CLVS1: variants seen among roughly 807,000 people sequenced by gnomAD.
CLVS1 encodes clavesin 1, also known as clavesin-1.
CLVS1 carries 10 observed loss-of-function variants against 33.1 expected under a neutral mutation model. The observed-to-expected ratio is 0.30, with a 90% CI of 0.19 to 0.51. CLVS1 has a LOEUF of 0.51. CLVS1 is among the 20% of genes least tolerant of loss of function. The pLI, the probability that CLVS1 is intolerant of heterozygous loss-of-function variation, is 0.97. For synonymous variants in CLVS1, 163 were observed against 166.1 expected, an observed-to-expected ratio of 0.98 and a Z score of 0.14; for missense variants, 343 against 433.4, an observed-to-expected ratio of 0.79 and a Z score of 1.85.
At chr8:61,280,650 T>C (rs192798588) in intron 2 of CLVS1, among the ~76,000 whole-genome samples, 6 of 152,370 alleles carry the variant, frequency 3.9e-5, no homozygotes, top group Non-Finnish European at 7.3e-5. Flanking sequence ...AAACTAGATA[T>C]ACATTTCCGT....
intron 3 of CLVS1, among the ~76,000 whole-genome samples, chr8:61,398,011 A>G (rs919017280): frequency 3.3e-5 from 5 of 152,072 alleles, no homozygotes; most frequent in African/African-American, 1.2e-4. Flanking sequence ...GAATTTAAGG[A>G]TTAGCTTGTC....
chr8:61,473,672 AGAG>A (rs1817813947), intron 5 of CLVS1, among the ~76,000 whole-genome samples: 1 of 152,210 alleles, frequency 6.6e-6, no homozygotes, highest in Non-Finnish European at 1.5e-5. Flanking sequence ...GTGGAGGTAC[AGAG>A]AAGAAGATGA....
intron 1 of CLVS1, among the ~76,000 whole-genome samples, chr8:61,094,325 G>A (rs532398310): frequency 6.6e-6 from 1 of 152,132 alleles, no homozygotes; most frequent in African/African-American, 2.4e-5. Context: ...GACGCTGGGG[G>A]TGCTCATGTG....
chr8:61,293,696 T>C (rs1011838026), intron 1 of CLVS1, among the ~76,000 whole-genome samples: 1 of 152,194 alleles, frequency 6.6e-6, no homozygotes, highest in Non-Finnish European at 1.5e-5. Flanking sequence ...AGTAAGTTTT[T>C]AGCAAGGTAA....
At chr8:61,189,205 T>C (rs1807408576) in intron 2 of CLVS1, among the ~76,000 whole-genome samples, 2 of 151,898 alleles carry the variant, frequency 1.3e-5, no homozygotes. Flanking sequence ...CAGAAGAGAG[T>C]GGGGGCCAAT....
At chr8:61,123,277 T>A (rs28414183) in intron 1 of CLVS1, among the ~76,000 whole-genome samples, 30,025 of 110,694 alleles carry the variant, frequency 0.27, 6,390 homozygotes, top group East Asian at 0.33. Context: ...CTCAAAATAA[T>A]AATAATAATA....
intron 2 of CLVS1, among the ~76,000 whole-genome samples, chr8:61,361,644 G>C (rs1232985759): frequency 1.3e-5 from 2 of 152,136 alleles, no homozygotes; most frequent in African/African-American, 4.8e-5. Context: ...GAAAAACCCA[G>C]TCTTGATTGC....
At position 61,499,777 on chromosome 8, in the gene CLVS1, G is replaced by GCATT. The variant is rs1804500673; in HGVS notation, c.*236_*239dup. 6 of 324,788 alleles carry GCATT rather than the reference G, an allele frequency of 1.8e-5. No homozygotes were observed. The East Asian group carries it at 2.7e-4, about 15-fold the overall frequency. 20.1% of individuals were successfully genotyped at this position (324,788 alleles called of 1,614,324 possible). A position where few individuals can be genotyped will look rare whatever the true frequency, so the allele number is the denominator to read the frequency against. On this transcript the variant is annotated 3_prime_UTR_variant, in exon 6 of 6. Coordinates refer to ENST00000325897, the MANE Select transcript of CLVS1 (RefSeq NM_173519.3). Reference sequence around the variant, plus strand: ...TGAGGGGACTGGAGGATGATGCAAGGCATTTATGTAAAAAAGATTCTCCCT... The same window carrying GCATT: ...TGAGGGGACTGGAGGATGATGCAAGGCATTCATTTATGTAAAAAAGATTCTCCCT...
At chr8:61,023,661 G>C in the CLVS1 span, among the ~76,000 whole-genome samples, 1 of 152,140 alleles carries the variant, frequency 6.6e-6, no homozygotes, top group East Asian at 1.9e-4. Flanking sequence ...TGGCGGGCCC[G>C]GTGAGTCGCA....
intron 2 of CLVS1, among the ~76,000 whole-genome samples, chr8:61,359,054 A>C (rs754910509): frequency 7.2e-5 from 11 of 152,166 alleles, no homozygotes; most frequent in Non-Finnish European, 1.3e-4. Context: ...TCCTGAAATT[A>C]TCTTGTTGAT....
At chr8:61,263,751 T>G (rs1809252887) in intron 2 of CLVS1, among the ~76,000 whole-genome samples, 1 of 152,198 alleles carries the variant, frequency 6.6e-6, no homozygotes, top group Admixed American at 6.5e-5. Flanking sequence ...TAATAGAGCC[T>G]TAGGCAAGCT....
chr8:61,304,576 T>G (rs556287710), intron 2 of CLVS1, among the ~76,000 whole-genome samples: 1 of 152,326 alleles, frequency 6.6e-6, no homozygotes, highest in South Asian at 2.1e-4. Context: ...TAGGGGACAC[T>G]GCTGGTCGAT....
chr8:61,005,436 A>C, the CLVS1 span, among the ~76,000 whole-genome samples: 1 of 151,610 alleles, frequency 6.6e-6, no homozygotes, highest in African/African-American at 2.4e-5. Flanking sequence ...CATTATGACA[A>C]GCAAATGCTT....
chr8:61,234,027 G>A (rs1808500376), intron 2 of CLVS1, among the ~76,000 whole-genome samples: 1 of 152,230 alleles, frequency 6.6e-6, no homozygotes, highest in African/African-American at 2.4e-5. Context: ...TGGAGGAAGT[G>A]ATACTCTTTT....
chr8:61,237,568 C>A (rs1339414391), intron 2 of CLVS1, among the ~76,000 whole-genome samples: 1 of 152,188 alleles, frequency 6.6e-6, no homozygotes, highest in African/African-American at 2.4e-5. Context: ...AATTACTAAC[C>A]TAAGAGCTGA....
intron 1 of CLVS1, among the ~76,000 whole-genome samples, chr8:61,130,407 G>A (rs1217950891): frequency 1.3e-5 from 2 of 152,062 alleles, no homozygotes; most frequent in Non-Finnish European, 2.9e-5. Context: ...CCCAATTCAT[G>A]CCAAGCATTT....
intron 1 of CLVS1, among the ~76,000 whole-genome samples, chr8:61,082,177 G>A (rs529999868): frequency 6.6e-6 from 1 of 152,242 alleles, no homozygotes; most frequent in South Asian, 2.1e-4. Context: ...TCTTTGATGA[G>A]CTTCAATACA....
intron 2 of CLVS1, among the ~76,000 whole-genome samples, chr8:61,255,139 T>C (rs1585725939): frequency 6.6e-6 from 1 of 152,312 alleles, no homozygotes; most frequent in Middle Eastern, 3.4e-3. Flanking sequence ...TGTAAAACTA[T>C]AATTATAAAG....
At chr8:61,007,977 T>C in the CLVS1 span, among the ~76,000 whole-genome samples, 5 of 151,884 alleles carry the variant, frequency 3.3e-5, no homozygotes, top group Non-Finnish European at 7.4e-5. Flanking sequence ...CTTGACGGGA[T>C]GGGATGGGGC....
Sources: allele counts gnomAD v4.1 joint callset (sites outside exome capture counted in the v4.1 genomes callset), GRCh38; gene constraint gnomAD v4.1.1; transcripts MANE v1.5; gene names NCBI Gene and HGNC (gene_info 2026-07-23, HGNC 2026-07-21).